The following PDE11A variants were observed in gnomAD, a reference collection of about 807,000 sequenced individuals.
The protein encoded by PDE11A is phosphodiesterase 11A, also known as dual 3',5'-cyclic-AMP and -GMP phosphodiesterase 11A.
In PDE11A, 100 loss-of-function variants were observed where a neutral mutation model predicts 100.5. The ratio of observed to expected loss-of-function variants is 1.00; its 90% CI spans 0.85 to 1.18. The LOEUF (loss-of-function observed/expected upper bound fraction) is 1.18, where lower values mean the gene tolerates loss of function less well. PDE11A is among the 50% of genes most tolerant of loss of function. The probability of loss-of-function intolerance (pLI) is 0.00; values close to 1 mark genes in which losing one functional copy is unlikely to be tolerated. For missense variants in PDE11A, 1,141 were observed against 1,152.6 expected (o/e 0.99, Z 0.15); for synonymous variants, 381 against 420.8 (o/e 0.91, Z 1.16).
chr2:177,882,204 C>T (rs1196136215), intron 4 of PDE11A, among the ~76,000 whole-genome samples: 1 of 152,154 alleles, frequency 6.6e-6, no homozygotes, highest in African/African-American at 2.4e-5. Flanking sequence ...GCAGGCAGGC[C>T]ATTGGCTGCT....
chr2:177,952,386 C>T (rs982980193), intron 2 of PDE11A, among the ~76,000 whole-genome samples: 14 of 152,176 alleles, frequency 9.2e-5, no homozygotes, highest in Non-Finnish European at 1.8e-4. Context: ...CAAAGTGCCT[C>T]CCCTGTCTTA....
rs10201731 is a variant in PDE11A, at chr2:177,929,892, T to C, written c.1072-24705A>G. On this transcript the variant is annotated intron_variant, in intron 2 of 19. Coordinates refer to ENST00000286063, the MANE Select transcript of PDE11A (RefSeq NM_016953.4). The stretch of plus-strand genomic sequence containing the variant: ...TGCTGTTTGAGCAATAATCCTACCA[T>C]TGTATAAGTTATTTACTTAACAAAC... 6.6e-5 allele frequency among the ~76,000 whole-genome samples: 10 copies of C among 152,158 alleles called. No homozygotes were observed. The South Asian group carries it at 1.9e-3, about 28-fold the overall frequency.
chr2:177,813,571 A>G (rs536891573), intron 9 of PDE11A, among the ~76,000 whole-genome samples: 80 of 152,264 alleles, frequency 5.3e-4, no homozygotes, highest in Non-Finnish European at 9.1e-4. Context: ...TATATGGAGA[A>G]TATTTACTTT....
At chr2:177,805,687 T>C (rs745884339) in intron 9 of PDE11A, among the ~76,000 whole-genome samples, 8 of 152,184 alleles carry the variant, frequency 5.3e-5, no homozygotes, top group Non-Finnish European at 7.4e-5. Context: ...AATATGTTTA[T>C]ATTCCTTCCT....
At chr2:177,785,075 G>A (rs1468992449) in intron 9 of PDE11A, among the ~76,000 whole-genome samples, 1 of 152,162 alleles carries the variant, frequency 6.6e-6, no homozygotes, top group East Asian at 1.9e-4. Context: ...TGGTCTTTGA[G>A]CATAGGGGCT....
At chr2:177,645,345 C>T (rs1462666902) in intron 19 of PDE11A, among the ~76,000 whole-genome samples, 1 of 151,970 alleles carries the variant, frequency 6.6e-6, no homozygotes, top group East Asian at 1.9e-4. Context: ...GTCACCAGGC[C>T]TGGTTAGTTT....
intron 2 of PDE11A, among the ~76,000 whole-genome samples, chr2:177,939,074 T>C (rs1054692370): frequency 1.3e-5 from 2 of 152,204 alleles, no homozygotes; most frequent in Non-Finnish European, 2.9e-5. Context: ...GTTTAAGCCA[T>C]TTTAGTCTCT....
At chr2:178,029,497 C>T (rs890988774) in intron 1 of PDE11A, among the ~76,000 whole-genome samples, 1 of 151,454 alleles carries the variant, frequency 6.6e-6, no homozygotes, top group Non-Finnish European at 1.5e-5. Context: ...ATATCAAAAC[C>T]GTGGTCCACA....
chr2:177,913,756 TA>T (rs1367656482), intron 2 of PDE11A, among the ~76,000 whole-genome samples: 2 of 152,186 alleles, frequency 1.3e-5, no homozygotes, highest in East Asian at 1.9e-4. Context: ...CAGAATATTC[TA>T]GGGGGTGGTT....
At chr2:177,853,637 T>TAC (rs1339330295) in intron 5 of PDE11A, among the ~76,000 whole-genome samples, 175 of 5,284 alleles carry the variant, frequency 0.033, no homozygotes, top group Non-Finnish European at 0.05. Context: ...AAGTCCTGCA[T>TAC]ATATATATAT....
chr2:177,934,513 G>A (rs1409975837), intron 2 of PDE11A, among the ~76,000 whole-genome samples: 1 of 152,336 alleles, frequency 6.6e-6, no homozygotes, highest in African/African-American at 2.4e-5. Context: ...GTGGAAAAAG[G>A]AGAATGCTCA....
At chr2:177,836,436 C>A (rs1389004516) in intron 6 of PDE11A, among the ~76,000 whole-genome samples, 1 of 152,180 alleles carries the variant, frequency 6.6e-6, no homozygotes, top group Non-Finnish European at 1.5e-5. Context: ...ACTTGGAGAA[C>A]TTTTGTGTCT....
At chr2:178,059,565 A>G (rs1574375135) in intron 1 of PDE11A, among the ~76,000 whole-genome samples, 1 of 152,166 alleles carries the variant, frequency 6.6e-6, no homozygotes, top group Non-Finnish European at 1.5e-5. Context: ...CCTATAAATT[A>G]TGTAGCTGGG....
chr2:177,930,264 G>C (rs2695111), intron 2 of PDE11A, among the ~76,000 whole-genome samples: 53,311 of 152,066 alleles, frequency 0.35, 11,102 homozygotes, highest in East Asian at 0.53. Flanking sequence ...TTCCTTCAGT[G>C]CATGTAGGAG....
chr2:177,905,189 T>C lies in PDE11A; in HGVS notation c.1072-2A>G, dbSNP rs767774556. 1.9e-6 allele frequency: 3 copies of C among 1,559,532 alleles called. No individual in the cohort carries two copies. Among genetic ancestry groups the C allele is most frequent in the African/African-American group, 2.7e-5 (2 of 73,966 alleles). Reference sequence around the variant, plus strand: ...AAATGGAAGATACATCTGCATAACCTGGGACAAAGAGAGTAGTAAGAACAT... The same window carrying C: ...AAATGGAAGATACATCTGCATAACCCGGGACAAAGAGAGTAGTAAGAACAT... On this transcript the variant is annotated splice_acceptor_variant, in intron 2 of 19. Coordinates refer to ENST00000286063, the MANE Select transcript of PDE11A (RefSeq NM_016953.4). LOFTEE classifies it high-confidence loss of function.
intron 1 of PDE11A, among the ~76,000 whole-genome samples, chr2:178,028,377 G>A (rs578085226): frequency 6.6e-6 from 1 of 151,628 alleles, no homozygotes; most frequent in South Asian, 2.1e-4. Flanking sequence ...CCAAACTGAA[G>A]GTGTCAACCT....
At chr2:177,983,707 A>T (rs2085910090) in intron 2 of PDE11A, among the ~76,000 whole-genome samples, 2 of 152,156 alleles carry the variant, frequency 1.3e-5, no homozygotes, top group African/African-American at 2.4e-5. Flanking sequence ...GTTTCTTAAT[A>T]TTTTTTATTT....
chr2:177,981,317 A>G (rs1000918660), intron 2 of PDE11A, among the ~76,000 whole-genome samples: 2 of 150,530 alleles, frequency 1.3e-5, no homozygotes, highest in African/African-American at 4.8e-5. Context: ...ACTGAAATGT[A>G]TTGTCTCACA....
intron 6 of PDE11A, among the ~76,000 whole-genome samples, chr2:177,829,470 G>A (rs1385747378): frequency 6.6e-6 from 1 of 151,548 alleles, no homozygotes; most frequent in East Asian, 1.9e-4. Context: ...TTTAAGATGG[G>A]GTCTCATGCT....
Sources: gnomAD v4.1 joint callset for allele counts (sites outside exome capture counted in the v4.1 genomes callset) on GRCh38, gnomAD v4.1.1 for gene constraint, MANE v1.5 for transcripts, NCBI Gene and HGNC (gene_info 2026-07-23, HGNC 2026-07-21) for gene names.